ITPK1: variants seen among roughly 807,000 people sequenced by gnomAD.
ITPK1 encodes inositol 1,3,4-trisphosphate 5/6-kinase.
ITPK1 carries 21 observed loss-of-function variants against 45.3 expected under a neutral mutation model. That is an observed-to-expected ratio of 0.46 (90% CI 0.33 to 0.67). The LOEUF is 0.67. Ranked by LOEUF, ITPK1 falls within the 30% of genes least tolerant of loss-of-function variation. The pLI, the probability that ITPK1 is intolerant of heterozygous loss-of-function variation, is 0.02. For missense variants in ITPK1, 474 were observed against 573.5 expected, an observed-to-expected ratio of 0.83 and a Z score of 1.77; for synonymous variants, 258 against 253.6, an observed-to-expected ratio of 1.02 and a Z score of -0.16.
Position 93,063,299 on chromosome 14 carries a change from C to T in ITPK1, c.120+13296G>A, listed in dbSNP as rs1890609585. ...GACCCACACCCTCCTGCCCAGGGACCCCTGGTCCCCCACCCACCTGAGATG... is the reference window on the plus strand; with the variant it reads ...GACCCACACCCTCCTGCCCAGGGACTCCTGGTCCCCCACCCACCTGAGATG... On this transcript the variant is annotated intron_variant, in intron 3 of 10. Coordinates refer to ENST00000267615, the MANE Select transcript of ITPK1 (RefSeq NM_014216.6). The surrounding 1 kb of genome is among the most constrained non-coding windows in gnomAD (Gnocchi z 4.3). Among the ~76,000 whole-genome samples the T allele has an allele frequency of 6.6e-6, 1 of 152,222 alleles. No individual in the cohort carries two copies. Among genetic ancestry groups the T allele is most frequent in the Non-Finnish European group, 1.5e-5 (1 of 68,034 alleles).
intron 4 of ITPK1, among the ~76,000 whole-genome samples, chr14:93,002,153 A>T (rs1281232453): frequency 1.3e-5 from 2 of 152,138 alleles, no homozygotes; most frequent in Admixed American, 1.3e-4. Flanking sequence ...TGAGAGTTCA[A>T]GACCAGCCTG....
chr14:92,959,447 C>G (rs968287852), intron 7 of ITPK1, among the ~76,000 whole-genome samples: 3 of 152,206 alleles, frequency 2.0e-5, no homozygotes, highest in African/African-American at 7.2e-5. Flanking sequence ...ACGTGGAAAT[C>G]CAGGCCACAT....
At chr14:93,064,201 T>C (rs996743469) in intron 3 of ITPK1, among the ~76,000 whole-genome samples, 2 of 152,060 alleles carry the variant, frequency 1.3e-5, no homozygotes, top group African/African-American at 4.8e-5. Context: ...AAGAATGGCG[T>C]GAACGTGGGA....
At chr14:93,112,299 A>G (rs1393588670) in intron 2 of ITPK1, among the ~76,000 whole-genome samples, 1 of 152,138 alleles carries the variant, frequency 6.6e-6, no homozygotes, top group Non-Finnish European at 1.5e-5. Flanking sequence ...TGTAAGACAA[A>G]GGGGCTAGAT....
At chr14:93,064,909 A>G (rs1890686298) in intron 3 of ITPK1, among the ~76,000 whole-genome samples, 2 of 152,208 alleles carry the variant, frequency 1.3e-5, no homozygotes, top group African/African-American at 4.8e-5. Flanking sequence ...CTGGATTTAC[A>G]CAGCTTTTGG....
chr14:93,069,853 C>A (rs941621344), intron 3 of ITPK1: 32 of 152,232 alleles, frequency 2.1e-4, no homozygotes, highest in African/African-American at 7.7e-4. Context: ...CAAAGGTCAC[C>A]AGCAAGCCAG....
At chr14:92,998,922 CACT>C (rs1887193545) in intron 4 of ITPK1, 1 of 152,238 alleles carries the variant, frequency 6.6e-6, no homozygotes, top group Non-Finnish European at 1.5e-5. Context: ...GCTATATGCA[CACT>C]GCTTCTTTCA....
chr14:93,023,796 G>C (rs189686184), intron 3 of ITPK1, among the ~76,000 whole-genome samples: 3 of 152,306 alleles, frequency 2.0e-5, no homozygotes, highest in African/African-American at 7.2e-5. Flanking sequence ...CAGGAGCCTT[G>C]ATAGAGCCAC....
intron 4 of ITPK1, among the ~76,000 whole-genome samples, chr14:93,001,569 C>T (rs999904816): frequency 2.0e-4 from 31 of 152,106 alleles, no homozygotes; most frequent in Non-Finnish European, 1.9e-4. Context: ...GCGAACCCAG[C>T]GTGCCACACC....
intron 5 of ITPK1, among the ~76,000 whole-genome samples, chr14:92,979,562 G>C (rs1204809131): frequency 6.6e-6 from 1 of 152,124 alleles, no homozygotes. Flanking sequence ...CATGGAAGCA[G>C]ATTTCCCTCT....
intron 3 of ITPK1, among the ~76,000 whole-genome samples, chr14:93,023,975 A>G (rs931222324): frequency 3.9e-5 from 6 of 152,158 alleles, no homozygotes; most frequent in African/African-American, 1.4e-4. Flanking sequence ...GATAGGAGCT[A>G]ACCCCTCCCC....
At chr14:92,949,893 G>A (rs1887876752) in intron 9 of ITPK1, among the ~76,000 whole-genome samples, 1 of 152,226 alleles carries the variant, frequency 6.6e-6, no homozygotes, top group Non-Finnish European at 1.5e-5. Flanking sequence ...GGAGGTGACA[G>A]AGGAACTGGG....
At chr14:92,996,047 C>A (rs1887039268) in intron 4 of ITPK1, among the ~76,000 whole-genome samples, 1 of 152,148 alleles carries the variant, frequency 6.6e-6, no homozygotes, top group Non-Finnish European at 1.5e-5. Context: ...TGAGGCCCTC[C>A]CCGCCGAGAC....
At chr14:93,086,820 C>G (rs1191975368) in intron 2 of ITPK1, among the ~76,000 whole-genome samples, 1 of 152,224 alleles carries the variant, frequency 6.6e-6, no homozygotes, top group Admixed American at 6.5e-5. Context: ...TGGGGCCCCC[C>G]AGCCACAGGC....
intron 3 of ITPK1, chr14:93,070,162 C>G (rs981546773): frequency 2.0e-5 from 3 of 152,314 alleles, no homozygotes; most frequent in Admixed American, 2.0e-4. Flanking sequence ...TGGGGAAAGG[C>G]AGCCCAGAGA....
At chr14:93,019,541 G>A (rs1888361955) in intron 3 of ITPK1, among the ~76,000 whole-genome samples, 2 of 152,234 alleles carry the variant, frequency 1.3e-5, no homozygotes, top group South Asian at 4.1e-4. Context: ...CATCAGGCCT[G>A]GGCTGCTCTC....
intron 7 of ITPK1, 132 bp downstream of exon 7, chr14:92,962,223 T>C (rs1429355458): frequency 3.2e-5 from 24 of 749,034 alleles, no homozygotes; most frequent in Non-Finnish European, 3.9e-5. Flanking sequence ...GGAAGGAGGC[T>C]ATCTACCAAG....
At chr14:92,973,479 G>C in intron 5 of ITPK1, among the ~76,000 whole-genome samples, 1 of 152,344 alleles carries the variant, frequency 6.6e-6, no homozygotes. Context: ...GAGCCTGGCC[G>C]GCCCATCTGT....
At chr14:92,963,783 C>T (rs1205183974) in intron 5 of ITPK1, among the ~76,000 whole-genome samples, 1 of 152,238 alleles carries the variant, frequency 6.6e-6, no homozygotes, top group Admixed American at 6.5e-5. Flanking sequence ...AATCTCTCTG[C>T]TGATGATGAA....
Sources: allele counts gnomAD v4.1 joint callset (sites outside exome capture counted in the v4.1 genomes callset), GRCh38; gene constraint gnomAD v4.1.1; non-coding constraint Gnocchi (gnomAD v3.1); transcripts MANE v1.5; gene names NCBI Gene and HGNC (gene_info 2026-07-23, HGNC 2026-07-21).